The following LRRC4C variants were observed in gnomAD, a reference collection of about 807,000 sequenced individuals.
LRRC4C encodes leucine-rich repeat-containing protein 4C.
LRRC4C carries 5 observed loss-of-function variants against 33.6 expected under a neutral mutation model. That is an observed-to-expected ratio of 0.15 (90% CI 0.08 to 0.31). The LOEUF is 0.31. Among genes scored for constraint, LRRC4C ranks in the 10% least tolerant of loss-of-function variants. LRRC4C has a pLI of 1.00. For synonymous variants in LRRC4C, 329 were observed against 302.0 expected (o/e 1.09, Z -0.93); for missense variants, 560 against 796.7 (o/e 0.70, Z 3.58).
intron 1 of LRRC4C, among the ~76,000 whole-genome samples, chr11:41,075,027 T>TTTTTTTTTTTTATTTTTTTTTTTTA (rs764193977): frequency 9.7e-6 from 1 of 102,976 alleles, no homozygotes; most frequent in African/African-American, 4.4e-5. Flanking sequence ...TTTTTTTTTT[T>TTTTTTTTTTTTATTTTTTTTTTTTA]TTTTTTTTTA....
At chr11:40,996,591 T>C (rs767124181) in intron 1 of LRRC4C, among the ~76,000 whole-genome samples, 1 of 152,152 alleles carries the variant, frequency 6.6e-6, no homozygotes, top group Non-Finnish European at 1.5e-5. Context: ...TCATTTTATG[T>C]TGCTATAAAG....
At chr11:40,411,882 A>G (rs559974375) in intron 3 of LRRC4C, among the ~76,000 whole-genome samples, 1 of 152,162 alleles carries the variant, frequency 6.6e-6, no homozygotes, top group African/African-American at 2.4e-5. Context: ...CCTTTTGTAT[A>G]TAACATCTAA....
At chr11:40,663,954 G>C (rs1039342600) in intron 2 of LRRC4C, among the ~76,000 whole-genome samples, 26 of 152,252 alleles carry the variant, frequency 1.7e-4, no homozygotes, top group African/African-American at 5.8e-4. Flanking sequence ...ATTAAAGCTA[G>C]TTCCAATCTT....
intron 1 of LRRC4C, among the ~76,000 whole-genome samples, chr11:41,369,494 A>G (rs750906091): frequency 1.3e-5 from 2 of 151,972 alleles, no homozygotes; most frequent in African/African-American, 4.8e-5. Flanking sequence ...CCTATAACAC[A>G]AGTTTACCTA....
intron 1 of LRRC4C, among the ~76,000 whole-genome samples, chr11:41,271,010 G>A (rs1193824640): frequency 6.6e-6 from 1 of 151,778 alleles, no homozygotes; most frequent in Non-Finnish European, 1.5e-5. Context: ...TGGATTTAGG[G>A]CCCATCTTAG....
At chr11:40,738,627 A>C (rs1056043210) in intron 2 of LRRC4C, among the ~76,000 whole-genome samples, 1 of 152,154 alleles carries the variant, frequency 6.6e-6, no homozygotes, top group Non-Finnish European at 1.5e-5. Context: ...CATTATTTGG[A>C]GACACAAAAC....
intron 1 of LRRC4C, among the ~76,000 whole-genome samples, chr11:40,997,535 G>A (rs1490047547): frequency 6.6e-6 from 1 of 152,084 alleles, no homozygotes; most frequent in East Asian, 1.9e-4. Flanking sequence ...AAGAATGAAG[G>A]AAAGGTATGC....
chr11:40,809,273 G>T (rs1259175876), intron 2 of LRRC4C, among the ~76,000 whole-genome samples: 2 of 152,116 alleles, frequency 1.3e-5, no homozygotes, highest in Non-Finnish European at 2.9e-5. Flanking sequence ...AGAATGAACT[G>T]CATAGAGATA....
rs531414827 is a variant in LRRC4C at position 40,965,103 on chromosome 11, G to A, written c.-495-31380C>T. ...TGGTATCTCATTGTGGTTTTGATTT[G>A]CATTTCTCTGATGGCCAGTGATGAT... On this transcript the variant is annotated intron_variant, in intron 1 of 6. Coordinates refer to ENST00000528697, the MANE Select transcript of LRRC4C (RefSeq NM_001258419.2). Among the ~76,000 whole-genome samples, 562 of 152,156 alleles carry A rather than the reference G, an allele frequency of 3.7e-3. 1 individual carries two copies. Among genetic ancestry groups the A allele is most frequent in the Non-Finnish European group, 5.1e-3 (346 of 67,998 alleles).
chr11:41,380,256 T>C (rs1471251756), intron 1 of LRRC4C, among the ~76,000 whole-genome samples: 3 of 152,168 alleles, frequency 2.0e-5, no homozygotes, highest in African/African-American at 7.2e-5. Context: ...CAGTAACATA[T>C]TACATCTAGA....
At position 40,506,511 on chromosome 11, in the gene LRRC4C, T is replaced by TTTACTA. The variant is rs554666720; in HGVS notation, c.-270+141630_-270+141631insTAGTAA. Among the ~76,000 whole-genome samples, 291 of 152,302 alleles carry TTTACTA rather than the reference T, an allele frequency of 1.9e-3. 1 individual carries two copies. The highest frequency in any genetic ancestry group is 0.01 in the Middle Eastern group (3 of 294). Reference sequence around the variant, plus strand: ...TAAACAATTAGATAAAGTAAGTTGCTGAAAATCTAAACTATTTATCTATTC... The same window carrying TTTACTA: ...TAAACAATTAGATAAAGTAAGTTGCTTTACTAGAAAATCTAAACTATTTATCTATTC... On this transcript the variant is annotated intron_variant, in intron 3 of 6. Coordinates refer to ENST00000528697, the MANE Select transcript of LRRC4C (RefSeq NM_001258419.2).
intron 5 of LRRC4C, among the ~76,000 whole-genome samples, chr11:40,223,092 C>T (rs192191404): frequency 2.3e-3 from 332 of 142,092 alleles, no homozygotes; most frequent in Non-Finnish European, 2.7e-3. Flanking sequence ...TAGACTGTGT[C>T]CATATTATAA....
chr11:41,308,387 C>G (rs944216349), intron 1 of LRRC4C, among the ~76,000 whole-genome samples: 20 of 152,058 alleles, frequency 1.3e-4, no homozygotes, highest in African/African-American at 4.6e-4. Context: ...CTAAGCAGCT[C>G]AAAACCGGCA....
chr11:41,254,385 G>A (rs1298951523), intron 1 of LRRC4C, among the ~76,000 whole-genome samples: 5 of 152,040 alleles, frequency 3.3e-5, no homozygotes, highest in Non-Finnish European at 7.4e-5. Flanking sequence ...GGAGAGAAAC[G>A]TCTTCAAATT....
At position 40,943,636 on chromosome 11, in the gene LRRC4C, C is replaced by T. The variant is rs557445560; in HGVS notation, c.-495-9913G>A. On this transcript the variant is annotated intron_variant, in intron 1 of 6. Coordinates refer to ENST00000528697, the MANE Select transcript of LRRC4C (RefSeq NM_001258419.2). ...AGATTCTAATACAACCTGTGTTATA[C>T]TATTTGAAATTGTTTTCTGTGAAGG... 3.9e-5 allele frequency among the ~76,000 whole-genome samples: 6 copies of T among 152,160 alleles called. No individual in the cohort carries two copies. The East Asian group carries it at 7.8e-4, about 20-fold the overall frequency.
chr11:40,126,402 AAAC>A (rs1022167965), intron 6 of LRRC4C, among the ~76,000 whole-genome samples: 7 of 152,248 alleles, frequency 4.6e-5, no homozygotes, highest in Admixed American at 1.3e-4. Flanking sequence ...TAGAAAAGTA[AAAC>A]AACAACAACA....
chr11:41,336,301 C>T (rs1413514422), intron 1 of LRRC4C, among the ~76,000 whole-genome samples: 1 of 150,674 alleles, frequency 6.6e-6, no homozygotes, highest in Admixed American at 6.6e-5. Context: ...AAGTATTAAT[C>T]TACAACAATG....
At chr11:41,034,666 G>GAT (rs1275833114) in intron 1 of LRRC4C, among the ~76,000 whole-genome samples, 23 of 128,804 alleles carry the variant, frequency 1.8e-4, no homozygotes, top group East Asian at 4.3e-4. Flanking sequence ...ATATATATAT[G>GAT]ATATATATAT....
intron 3 of LRRC4C, among the ~76,000 whole-genome samples, chr11:40,482,475 T>A (rs1327521878): frequency 6.6e-6 from 1 of 152,018 alleles, no homozygotes; most frequent in Admixed American, 6.6e-5. Context: ...TTTTTGGTTT[T>A]GTATTGTTTT....
Sources: allele counts gnomAD v4.1 joint callset (sites outside exome capture counted in the v4.1 genomes callset), GRCh38; gene constraint gnomAD v4.1.1; transcripts MANE v1.5; gene names NCBI Gene and HGNC (gene_info 2026-07-23, HGNC 2026-07-21).